AGBL1: variants seen among roughly 807,000 people sequenced by gnomAD.
AGBL1 encodes cytosolic carboxypeptidase 4.
In AGBL1, 130 loss-of-function variants were observed where a neutral mutation model predicts 118.9. That is an observed-to-expected ratio of 1.09 (90% CI 0.95 to 1.26). AGBL1 has a LOEUF of 1.26. Ranked by LOEUF, AGBL1 falls within the 50% of genes most tolerant of loss-of-function variation. The pLI, the probability that AGBL1 is intolerant of heterozygous loss-of-function variation, is 0.00. For synonymous variants in AGBL1, 555 were observed against 478.9 expected, an observed-to-expected ratio of 1.16 and a Z score of -2.08; for missense variants, 1,584 against 1,298.1, an observed-to-expected ratio of 1.22 and a Z score of -3.38.
At chr15:86,636,414 A>AT (rs2085084702) in intron 21 of AGBL1, among the ~76,000 whole-genome samples, 1 of 151,854 alleles carries the variant, frequency 6.6e-6, no homozygotes, top group African/African-American at 2.4e-5. Context: ...ATTTTGAAAC[A>AT]TTCCGATTTA....
At chr15:86,120,213 GT>G (rs767996614) in intron 1 of AGBL1, among the ~76,000 whole-genome samples, 5 of 152,116 alleles carry the variant, frequency 3.3e-5, no homozygotes, top group Non-Finnish European at 7.4e-5. Flanking sequence ...ATGTTGCAAT[GT>G]TCTTTTGCCT....
chr15:86,599,073 T>C (rs923675935), intron 21 of AGBL1, among the ~76,000 whole-genome samples: 1 of 152,142 alleles, frequency 6.6e-6, no homozygotes, highest in Admixed American at 6.6e-5. Flanking sequence ...AGAATGATTC[T>C]TGTGAGACGT....
chr15:86,152,009 A>G (rs2141680967), intron 3 of AGBL1, among the ~76,000 whole-genome samples: 1 of 152,310 alleles, frequency 6.6e-6, no homozygotes, highest in Non-Finnish European at 1.5e-5. Context: ...CTGCTCAGCG[A>G]GATAAAAGAG....
At chr15:86,206,738 A>C (rs532841621) in intron 5 of AGBL1, among the ~76,000 whole-genome samples, 2 of 152,192 alleles carry the variant, frequency 1.3e-5, no homozygotes, top group South Asian at 2.1e-4. Context: ...AGATTGCAAA[A>C]ATTTTCTCCC....
chr15:86,819,384 AC>A (rs1429787765), intron 22 of AGBL1, among the ~76,000 whole-genome samples: 1 of 151,946 alleles, frequency 6.6e-6, no homozygotes, highest in African/African-American at 2.4e-5. Context: ...TAATAAGAAA[AC>A]CCCATTGTCT....
chr15:86,394,079 T>C (rs970533021), intron 17 of AGBL1, among the ~76,000 whole-genome samples: 2 of 152,142 alleles, frequency 1.3e-5, no homozygotes, highest in African/African-American at 4.8e-5. Flanking sequence ...CAGTCTATGG[T>C]ATTCTGCTAT....
At chr15:86,925,544 G>T (rs1222572719) in intron 23 of AGBL1, among the ~76,000 whole-genome samples, 1 of 152,048 alleles carries the variant, frequency 6.6e-6, no homozygotes, top group African/African-American at 2.4e-5. Flanking sequence ...ATATCTCAGA[G>T]AATGTAGAGA....
intron 1 of AGBL1, among the ~76,000 whole-genome samples, chr15:86,129,089 A>G (rs1449800751): frequency 6.6e-6 from 1 of 152,210 alleles, no homozygotes; most frequent in African/African-American, 2.4e-5. Flanking sequence ...TAACAGAACC[A>G]AATACTGTAG....
At chr15:86,570,956 G>A (rs778618614) in intron 21 of AGBL1, among the ~76,000 whole-genome samples, 4 of 152,138 alleles carry the variant, frequency 2.6e-5, no homozygotes, top group South Asian at 4.1e-4. Context: ...AGCAGCATGC[G>A]GGCTGGCCTG....
chr15:86,437,501 C>G (rs75748704), intron 18 of AGBL1, among the ~76,000 whole-genome samples: 6,603 of 152,208 alleles, frequency 0.043, 224 homozygotes, highest in East Asian at 0.15. Context: ...TCTCAAAGAA[C>G]TACCTTATCC....
intron 5 of AGBL1, among the ~76,000 whole-genome samples, chr15:86,161,969 A>G (rs1381073005): frequency 6.6e-6 from 1 of 152,260 alleles, no homozygotes; most frequent in African/African-American, 2.4e-5. Context: ...GTGCTTTGAC[A>G]TGCTATGACA....
chr15:86,688,850 C>G (rs2142593618), intron 22 of AGBL1, among the ~76,000 whole-genome samples: 1 of 152,156 alleles, frequency 6.6e-6, no homozygotes, highest in Admixed American at 6.5e-5. Context: ...TATCAAGTTC[C>G]TTTGTAATTC....
At chr15:86,448,939 A>G (rs1004506294) in intron 18 of AGBL1, among the ~76,000 whole-genome samples, 8 of 152,190 alleles carry the variant, frequency 5.3e-5, no homozygotes, top group African/African-American at 1.9e-4. Flanking sequence ...AGATATTTGT[A>G]TGGAGATATT....
In AGBL1 at chr15:86,712,721, T is replaced by C. The variant is rs115070113; in HGVS notation, c.3158+38285T>C. Among the ~76,000 whole-genome samples the C allele has an allele frequency of 4.0e-3, 613 of 152,244 alleles. 3 individuals are homozygous for C. Among genetic ancestry groups the C allele is most frequent in the African/African-American group, 0.014 (584 of 41,550 alleles). On this transcript the variant is annotated intron_variant, in intron 22 of 22. Transcript: ENST00000614907. ...ATACGGGCCTTTTGTAAGGTGCTGA[T>C]TGGAACACAACAAGGCATCTGGTCC...
intron 22 of AGBL1, among the ~76,000 whole-genome samples, chr15:86,802,459 G>C (rs1023225779): frequency 2.6e-5 from 4 of 151,996 alleles, no homozygotes; most frequent in Admixed American, 6.6e-5. Context: ...CCATGCACCT[G>C]TTCCTCAAAT....
chr15:87,009,418 A>G (rs2081535917), intron 24 of AGBL1, among the ~76,000 whole-genome samples: 2 of 152,202 alleles, frequency 1.3e-5, no homozygotes, highest in Non-Finnish European at 2.9e-5. Flanking sequence ...ATGTACAGAA[A>G]TGCCTGGATG....
intron 18 of AGBL1, among the ~76,000 whole-genome samples, chr15:86,400,228 T>C (rs925906205): frequency 3.3e-5 from 5 of 152,150 alleles, no homozygotes; most frequent in Admixed American, 3.3e-4. Flanking sequence ...CTTTGTCCTG[T>C]GAGCTTCACC....
intron 23 of AGBL1, among the ~76,000 whole-genome samples, chr15:86,953,786 T>C (rs2080903304): frequency 6.6e-6 from 1 of 152,176 alleles, no homozygotes; most frequent in African/African-American, 2.4e-5. Context: ...CTGGAAACTT[T>C]ACCGAAGTCG....
intron 6 of AGBL1, among the ~76,000 whole-genome samples, chr15:86,229,313 A>G (rs1374385695): frequency 6.6e-6 from 1 of 152,162 alleles, no homozygotes; most frequent in African/African-American, 2.4e-5. Flanking sequence ...ACTTACAATC[A>G]TGGCAGAAGG....
Sources: allele counts gnomAD v4.1 joint callset (sites outside exome capture counted in the v4.1 genomes callset), GRCh38; gene constraint gnomAD v4.1.1; transcripts MANE v1.5; gene names NCBI Gene and HGNC (gene_info 2026-07-23, HGNC 2026-07-21).